Variants in VDAC1 observed in about 807,000 individuals in gnomAD.
VDAC1 encodes the protein voltage dependent anion channel 1.
In VDAC1, 10 loss-of-function variants were observed where a neutral mutation model predicts 34.7. The observed-to-expected ratio is 0.29, with a 90% confidence interval of 0.18 to 0.49. VDAC1 has a LOEUF of 0.49. Among genes scored for constraint, VDAC1 ranks in the 20% least tolerant of loss-of-function variants. The probability of loss-of-function intolerance (pLI) is 0.99; values close to 1 mark genes in which losing one functional copy is unlikely to be tolerated. For missense variants in VDAC1, 230 were observed against 347.9 expected (o/e 0.66, Z 2.69); for synonymous variants, 130 against 136.0 (o/e 0.96, Z 0.30).
At chr5:134,094,251 TC>T in the VDAC1 span, among the ~76,000 whole-genome samples, 1 of 152,232 alleles carries the variant, frequency 6.6e-6, no homozygotes, top group Non-Finnish European at 1.5e-5. Context: ...GGCCCTGGCC[TC>T]CATACTGCAT....
upstream of VDAC1, among the ~76,000 whole-genome samples, chr5:134,009,797 C>T (rs559922773): frequency 4.0e-4 from 61 of 152,124 alleles, no homozygotes; most frequent in Non-Finnish European, 7.8e-4. Context: ...TCTCATGCCT[C>T]AGCCTCCCAA....
At chr5:134,085,941 C>T in the VDAC1 span, among the ~76,000 whole-genome samples, 1 of 151,964 alleles carries the variant, frequency 6.6e-6, no homozygotes, top group Non-Finnish European at 1.5e-5. Context: ...GCCTGTAATC[C>T]CACCACTTTT....
chr5:134,014,447 A>G, the VDAC1 span, among the ~76,000 whole-genome samples: 1 of 152,206 alleles, frequency 6.6e-6, no homozygotes, highest in Non-Finnish European at 1.5e-5. Context: ...TAGTTGTTGG[A>G]AAGGCTGCAG....
intron 5 of VDAC1, among the ~76,000 whole-genome samples, chr5:133,988,445 G>C (rs926967170): frequency 2.0e-5 from 3 of 152,036 alleles, no homozygotes; most frequent in Non-Finnish European, 4.4e-5. Context: ...AATTAGCTGG[G>C]TGTGGTGGTG....
At chr5:133,991,269 G>GA in intron 3 of VDAC1, 115 bp from the exon 4 acceptor site, 1 of 1,318,466 alleles carries the variant, frequency 7.6e-7, no homozygotes, top group Non-Finnish European at 1.0e-6. Context: ...ATGTGGGGGG[G>GA]CCAAGGCTAA....
At chr5:134,077,099 C>A in the VDAC1 span, among the ~76,000 whole-genome samples, 2 of 151,840 alleles carry the variant, frequency 1.3e-5, no homozygotes, top group African/African-American at 2.4e-5. Context: ...ACCAACATGG[C>A]GAAACCGTCT....
chr5:134,068,849 CTG>C, the VDAC1 span, among the ~76,000 whole-genome samples: 1 of 152,128 alleles, frequency 6.6e-6, no homozygotes, highest in Non-Finnish European at 1.5e-5. Context: ...ACTCTATCCT[CTG>C]TGCATCTTGG....
At chr5:133,974,555 C>T (rs2126892455) in intron 7 of VDAC1, among the ~76,000 whole-genome samples, 1 of 152,326 alleles carries the variant, frequency 6.6e-6, no homozygotes, top group African/African-American at 2.4e-5. Flanking sequence ...ATGGAAGAGG[C>T]TTAACAGTAA....
the VDAC1 span, among the ~76,000 whole-genome samples, chr5:134,036,983 CAAA>C: frequency 6.6e-6 from 1 of 151,264 alleles, no homozygotes; most frequent in Admixed American, 6.6e-5. Flanking sequence ...AACAAACAAA[CAAA>C]AAAACTGAAG....
chr5:134,033,566 T>G, the VDAC1 span, among the ~76,000 whole-genome samples: 4 of 151,556 alleles, frequency 2.6e-5, no homozygotes, highest in African/African-American at 9.7e-5. Context: ...CTGGGGGAGC[T>G]CCACTTTTGT....
the VDAC1 span, among the ~76,000 whole-genome samples, chr5:134,041,004 A>G: frequency 6.6e-6 from 1 of 152,260 alleles, no homozygotes; most frequent in Non-Finnish European, 1.5e-5. Flanking sequence ...CAAAAGATGA[A>G]GAACTGTCGG....
chr5:134,048,852 C>T, the VDAC1 span, among the ~76,000 whole-genome samples: 1 of 152,120 alleles, frequency 6.6e-6, no homozygotes, highest in Non-Finnish European at 1.5e-5. Flanking sequence ...TTTACTACTG[C>T]AGCTCCAGTA....
At chr5:134,059,260 C>T in the VDAC1 span, among the ~76,000 whole-genome samples, 1 of 152,180 alleles carries the variant, frequency 6.6e-6, no homozygotes, top group Non-Finnish European at 1.5e-5. Context: ...GTGAGGCTCC[C>T]AGGCTCCCAG....
At chr5:134,015,632 T>G in the VDAC1 span, among the ~76,000 whole-genome samples, 1 of 152,132 alleles carries the variant, frequency 6.6e-6, no homozygotes, top group African/African-American at 2.4e-5. Flanking sequence ...ACGATTTTTT[T>G]TTTCTTTTTT....
the VDAC1 span, among the ~76,000 whole-genome samples, chr5:134,050,380 G>A: frequency 3.9e-5 from 6 of 152,274 alleles, no homozygotes; most frequent in East Asian, 1.2e-3. Flanking sequence ...TGTACAGTTT[G>A]CTTTTAAATT....
chr5:133,977,828 C>T (rs1752536311), intron 6 of VDAC1, among the ~76,000 whole-genome samples: 2 of 152,048 alleles, frequency 1.3e-5, no homozygotes, highest in South Asian at 4.1e-4. Flanking sequence ...TTTCATAGGC[C>T]CATCTGTACT....
chr5:134,077,868 G>C, the VDAC1 span, among the ~76,000 whole-genome samples: 1 of 152,352 alleles, frequency 6.6e-6, no homozygotes, highest in East Asian at 1.9e-4. Flanking sequence ...TCCTACTAAA[G>C]CCAGAGAAGG....
chr5:134,032,010 T>C, the VDAC1 span, among the ~76,000 whole-genome samples: 2 of 140,078 alleles, frequency 1.4e-5, no homozygotes, highest in African/African-American at 5.4e-5. Context: ...GCACCTGTAG[T>C]CCCAGCTACT....
the VDAC1 span, among the ~76,000 whole-genome samples, chr5:134,033,975 G>C: frequency 1.3e-5 from 2 of 151,846 alleles, no homozygotes; most frequent in African/African-American, 4.8e-5. Flanking sequence ...CTGGGCAACA[G>C]AGCGAGACTC....
Sources: allele counts gnomAD v4.1 joint callset (sites outside exome capture counted in the v4.1 genomes callset), GRCh38; gene constraint gnomAD v4.1.1; transcripts MANE v1.5; gene names NCBI Gene and HGNC (gene_info 2026-07-23, HGNC 2026-07-21).